The following MTA3 variants were observed in gnomAD, a reference collection of about 807,000 sequenced individuals.
The protein encoded by MTA3 is metastasis associated 1 family member 3.
Under a neutral mutation model 83.5 loss-of-function variants are expected in MTA3, and 34 were observed. The ratio of observed to expected loss-of-function variants is 0.41; its 90% CI spans 0.31 to 0.54. The LOEUF (loss-of-function observed/expected upper bound fraction) is 0.54, where lower values mean the gene tolerates loss of function less well. Among genes scored for constraint, MTA3 ranks in the 20% least tolerant of loss-of-function variants. The probability of loss-of-function intolerance (pLI) is 0.33; values close to 1 mark genes in which losing one functional copy is unlikely to be tolerated. For synonymous variants in MTA3, 303 were observed against 252.7 expected, an observed-to-expected ratio of 1.20 and a Z score of -1.89; for missense variants, 761 against 726.4, an observed-to-expected ratio of 1.05 and a Z score of -0.55.
At chr2:42,563,314 G>A (rs141082663) in intron 2 of MTA3, among the ~76,000 whole-genome samples, 92 of 152,188 alleles carry the variant, frequency 6.0e-4, no homozygotes, top group African/African-American at 1.9e-3. Context: ...GATTACAGGC[G>A]CGCGCCACCA....
At chr2:42,681,644 T>C (rs183116700) in intron 8 of MTA3, among the ~76,000 whole-genome samples, 7 of 152,140 alleles carry the variant, frequency 4.6e-5, no homozygotes, top group African/African-American at 1.7e-4. Context: ...TCCCAAGTAG[T>C]TGGGACTGTA....
chr2:42,502,014 G>C (rs1272141949), intron 2 of MTA3, among the ~76,000 whole-genome samples: 2 of 151,938 alleles, frequency 1.3e-5, no homozygotes, highest in African/African-American at 4.8e-5. Flanking sequence ...ATTTAAAAAA[G>C]ACCCAAATTC....
intron 5 of MTA3, among the ~76,000 whole-genome samples, chr2:42,642,709 A>T (rs945850204): frequency 3.3e-5 from 5 of 150,684 alleles, no homozygotes; most frequent in Non-Finnish European, 5.9e-5. Flanking sequence ...CAATGGTGCA[A>T]TCTTGGCTCA....
At chr2:42,749,936 GA>G (rs1157500497) in intron 16 of MTA3, among the ~76,000 whole-genome samples, 3 of 152,096 alleles carry the variant, frequency 2.0e-5, no homozygotes, top group Non-Finnish European at 4.4e-5. Flanking sequence ...ATGTTTCATA[GA>G]TACTGTATTT....
intron 2 of MTA3, among the ~76,000 whole-genome samples, chr2:42,551,249 G>C (rs749405964): frequency 2.6e-5 from 4 of 151,812 alleles, no homozygotes; most frequent in Middle Eastern, 3.4e-3. Flanking sequence ...GTAGTGCACT[G>C]GTGCAATCTT....
intron 4 of MTA3, among the ~76,000 whole-genome samples, chr2:42,624,342 A>G (rs897400789): frequency 6.6e-6 from 1 of 151,486 alleles, no homozygotes; most frequent in South Asian, 2.1e-4. Flanking sequence ...ATTTTTTGAG[A>G]TGGAATCTTG....
chr2:42,540,034 G>A (rs911051550), intron 2 of MTA3, among the ~76,000 whole-genome samples: 2 of 152,002 alleles, frequency 1.3e-5, no homozygotes, highest in Non-Finnish European at 2.9e-5. Context: ...CCCTCTCTCT[G>A]GCTGGAAATT....
At chr2:42,585,293 G>A (rs1043096108) in intron 3 of MTA3, among the ~76,000 whole-genome samples, 9 of 151,840 alleles carry the variant, frequency 5.9e-5, no homozygotes, top group African/African-American at 2.2e-4. Flanking sequence ...TCTCCATGTT[G>A]GTCAGGGTGG....
chr2:42,750,766 C>T (rs536315611), intron 16 of MTA3, among the ~76,000 whole-genome samples: 144 of 152,298 alleles, frequency 9.5e-4, no homozygotes, highest in Non-Finnish European at 1.8e-3. Context: ...CATGGTGCCT[C>T]GTGTCCCCTA....
intron 8 of MTA3, among the ~76,000 whole-genome samples, chr2:42,664,642 C>T (rs1268676921): frequency 1.3e-5 from 2 of 151,900 alleles, no homozygotes; most frequent in Non-Finnish European, 2.9e-5. Flanking sequence ...CCACCACTGC[C>T]GACTAATTAC....
rs66547039 is a variant in MTA3 at position 42,695,748 on chromosome 2, ATTTT to A, written c.892-7_892-4del. On this transcript the variant is annotated splice_polypyrimidine_tract_variant and intron_variant, in intron 9 of 16. Transcript: ENST00000405094. ...ATATGTTAACATAGATGATAGGTTG[ATTTT>A]TTTTTTTTTCAGCTTCCTTGGAAAT... The A allele has an allele frequency of 1.1e-5, 14 of 1,243,028 alleles. No homozygotes were observed. In the East Asian group the frequency reaches 3.3e-4, roughly 29 times the overall value. The allele number at this position is 1,243,028 out of a possible 1,614,324, so 77.0% of individuals were successfully genotyped here. A position where few individuals can be genotyped will look rare whatever the true frequency, so the allele number is the denominator to read the frequency against.
rs146314708 is a variant in MTA3, at chr2:42,537,855, G to A, written c.-140-32582G>A. 2.4e-3 allele frequency among the ~76,000 whole-genome samples: 369 copies of A among 152,244 alleles called. 2 individuals carry two copies. Among genetic ancestry groups the A allele is most frequent in the Middle Eastern group, 6.8e-3 (2 of 294 alleles). ...TTGTAGGAAAGTGTCTTTCTTCTTA[G>A]GAGATATATGTTGAGGTGATAGGGG... On this transcript the variant is annotated intron_variant, in intron 2 of 17. Coordinates refer to the MTA3 transcript ENST00000405592.
At chr2:42,724,884 G>A (rs1022995462) in intron 16 of MTA3, among the ~76,000 whole-genome samples, 8 of 152,272 alleles carry the variant, frequency 5.3e-5, no homozygotes, top group Middle Eastern at 3.4e-3. Flanking sequence ...GCTGCCACAC[G>A]GTCATTGCTT....
chr2:42,525,361 G>T (rs1160556990), intron 2 of MTA3, among the ~76,000 whole-genome samples: 3 of 151,918 alleles, frequency 2.0e-5, no homozygotes, highest in Non-Finnish European at 4.4e-5. Flanking sequence ...CACCATGCCT[G>T]GCTGATTTTT....
At chr2:42,593,872 T>C (rs558382205) in intron 3 of MTA3, among the ~76,000 whole-genome samples, 50 of 152,124 alleles carry the variant, frequency 3.3e-4, no homozygotes, top group Admixed American at 5.9e-4. Context: ...AATTAATTGC[T>C]TCAGATATTC....
At chr2:42,723,886 A>G (rs1236185573) in intron 16 of MTA3, among the ~76,000 whole-genome samples, 7 of 152,182 alleles carry the variant, frequency 4.6e-5, no homozygotes, top group Non-Finnish European at 8.8e-5. Context: ...ATAATTTCCT[A>G]TGGTTGTTTT....
chr2:42,752,354 G>A, intron 16 of MTA3: 1 of 460,358 alleles, frequency 2.2e-6, no homozygotes, highest in South Asian at 1.6e-5. Flanking sequence ...ATGTGCCTGG[G>A]GCAGAGAATA....
intron 6 of MTA3, among the ~76,000 whole-genome samples, chr2:42,651,308 T>G (rs1382325915): frequency 1.3e-5 from 2 of 152,236 alleles, no homozygotes; most frequent in Non-Finnish European, 2.9e-5. Flanking sequence ...TTATAAACAC[T>G]GTACACTTAG....
intron 8 of MTA3, among the ~76,000 whole-genome samples, chr2:42,678,799 T>A (rs1691615019): frequency 6.6e-6 from 1 of 152,194 alleles, no homozygotes; most frequent in Non-Finnish European, 1.5e-5. Context: ...TATACATACA[T>A]ATACATACAT....
Sources: gnomAD v4.1 joint callset for allele counts (sites outside exome capture counted in the v4.1 genomes callset) on GRCh38, gnomAD v4.1.1 for gene constraint, MANE v1.5 for transcripts, NCBI Gene and HGNC (gene_info 2026-07-23, HGNC 2026-07-21) for gene names.